CGN: variants seen among roughly 807,000 people sequenced by gnomAD.
CGN encodes cingulin.
In CGN, 121 loss-of-function variants were observed where a neutral mutation model predicts 157.1. That is an observed-to-expected ratio of 0.77 (90% CI 0.66 to 0.90). CGN has a LOEUF of 0.90. CGN is among the 40% of genes least tolerant of loss of function. The pLI, the probability that CGN is intolerant of heterozygous loss-of-function variation, is 0.00. For synonymous variants in CGN, 535 were observed against 607.5 expected (o/e 0.88, Z 1.76); for missense variants, 1,424 against 1,520.9 (o/e 0.94, Z 1.06).
intron 1 of CGN, among the ~76,000 whole-genome samples, chr1:151,516,563 A>T (rs558579707): frequency 2.2e-5 from 3 of 134,892 alleles, no homozygotes; most frequent in African/African-American, 5.6e-5. Flanking sequence ...TTTTTTTGAG[A>T]TAGAGTTTCA....
At chr1:151,536,984 A>C in intron 20 of CGN, 91 bp downstream of exon 20, 1 of 1,405,010 alleles carries the variant, frequency 7.1e-7, no homozygotes, top group East Asian at 2.4e-5. Flanking sequence ...GAGAATCTCT[A>C]ACATGGTACT....
rs1051006298 is a variant in CGN, at chr1:151,511,785, C to T, written c.-15+270C>T. Among the ~76,000 whole-genome samples, 2 of 152,198 alleles carry T rather than the reference C, an allele frequency of 1.3e-5. No homozygotes were observed. Among genetic ancestry groups the T allele is most frequent in the Non-Finnish European group, 1.5e-5 (1 of 68,030 alleles). Reference sequence around the variant, plus strand: ...TTCCCAGCGCATGAAAGCGTTTCAGCGCCAGATGTCTCTGGAGGTCAGACG... The same window carrying T: ...TTCCCAGCGCATGAAAGCGTTTCAGTGCCAGATGTCTCTGGAGGTCAGACG... On this transcript the variant is annotated intron_variant, in intron 1 of 20. Transcript: ENST00000271636. The surrounding 1 kb of genome is among the most constrained non-coding windows in gnomAD (Gnocchi z 4.8).
intron 5 of CGN, among the ~76,000 whole-genome samples, chr1:151,522,262 C>G (rs1664559507): frequency 6.6e-6 from 1 of 151,850 alleles, no homozygotes; most frequent in Non-Finnish European, 1.5e-5. Flanking sequence ...AGAGCAAGAC[C>G]CTGTCTCAAA....
upstream of CGN, chr1:151,511,250 C>T (rs1664277128): frequency 6.6e-6 from 1 of 152,348 alleles, no homozygotes; most frequent in Non-Finnish European, 1.5e-5. This position sits in a 1 kb window ranked among gnomAD's most constrained non-coding sequence, Gnocchi z 4.8. Flanking sequence ...GACCCCGGGT[C>T]CCGGTCCCCG....
rs200463676 is a variant in CGN at position 151,519,134 on chromosome 1, C to T, written c.615C>T (p.Pro205=). The change falls in exon 2 of 21, where the codon CCC becomes CCT. Residue 205 remains proline, a synonymous_variant. Transcript: ENST00000271636. ...GRTGRRTRML[P]PEQRKRSKSL... ...CTGGCCGCCGAACACGGATGCTACCCCCTGAACAGCGCAAACGGAGCAAGA... is the reference window on the plus strand; with the variant it reads ...CTGGCCGCCGAACACGGATGCTACCTCCTGAACAGCGCAAACGGAGCAAGA... 1.2e-6 allele frequency: 2 copies of T among 1,614,104 alleles called. No individual in the cohort carries two copies. Among genetic ancestry groups the T allele is most frequent in the Non-Finnish European group, 1.7e-6 (2 of 1,180,052 alleles).
chr1:151,512,201 A>G (rs1027176051), intron 1 of CGN, among the ~76,000 whole-genome samples: 1 of 152,064 alleles, frequency 6.6e-6, no homozygotes, highest in Non-Finnish European at 1.5e-5. Context: ...AGAGAGAGAG[A>G]GAGTACTCCC....
intron 10 of CGN, among the ~76,000 whole-genome samples, chr1:151,528,230 G>A (rs542182831): frequency 3.3e-4 from 50 of 151,766 alleles, no homozygotes; most frequent in Non-Finnish European, 5.7e-4. Context: ...CTTGTGATCC[G>A]CCCTCCTTGG....
At position 151,535,879 on chromosome 1, in the gene CGN, C is replaced by CGGCT; in HGVS notation, c.3179_3182dup (p.Gln1062AlafsTer4). 1 of 1,613,164 alleles carries CGGCT rather than the reference C, an allele frequency of 6.2e-7. No homozygotes were observed. Among genetic ancestry groups the CGGCT allele is most frequent in the Non-Finnish European group, 8.5e-7 (1 of 1,179,512 alleles). The stretch of plus-strand genomic sequence containing the variant: ...GTCCCAGAATCAGTTGTTGCAGGAG[C>CGGCT]GGCTACAGGCTGAAGAGAGGTGACA... On this transcript the variant is annotated frameshift_variant, in exon 18 of 21. Coordinates refer to ENST00000271636, the MANE Select transcript of CGN (RefSeq NM_020770.3). LOFTEE classifies it high-confidence loss of function.
chr1:151,532,250 A>G (rs1367935650), intron 13 of CGN, 152 bp from the exon 14 acceptor site: 7 of 477,452 alleles, frequency 1.5e-5, no homozygotes, highest in African/African-American at 6.0e-5. Flanking sequence ...ATCTGTATAT[A>G]ACTATTAGCT....
At chr1:151,534,797 T>TG (rs1664919133) in intron 15 of CGN, 5 of 488,396 alleles carry the variant, frequency 1.0e-5, no homozygotes, top group African/African-American at 1.9e-5. Flanking sequence ...GAGTAGATTC[T>TG]GGGGTTTGCC....
rs1664634275 is a variant in CGN at position 151,524,804 on chromosome 1, G to A, written c.1532G>A (p.Arg511His). Residue 511 changes from arginine (R) to histidine (H), a missense_variant, in exon 8 of 21, where the codon CGT (arginine) becomes CAT (histidine). Physicochemically the swap from Arg to His is conservative, Grantham distance 29 (BLOSUM62 0). This residue lies in a region of CGN where 1,187 missense variants were observed against 1,217.6 expected (regional missense o/e 0.97). Transcript: ENST00000271636. The surrounding 1 kb of genome is among the most constrained non-coding windows in gnomAD (Gnocchi z 4.4). The stretch of plus-strand genomic sequence containing the variant: ...GCCCTGAAAGAGGAGGTAGCCTCCC[G>A]TGACCAGGAGGTGGAACATGTCCGG... ...KGALKEEVASRDQEVEHVRQQ... is the reference protein window; with the variant it reads ...KGALKEEVASHDQEVEHVRQQ... 10 of 1,612,738 alleles carry A rather than the reference G, an allele frequency of 6.2e-6. No homozygotes were observed. Among genetic ancestry groups the A allele is most frequent in the Non-Finnish European group, 5.9e-6 (7 of 1,179,964 alleles).
At chr1:151,520,380 C>G (rs1664514414) in intron 3 of CGN, 34 bp from the exon 4 acceptor site, 1 of 1,596,108 alleles carries the variant, frequency 6.3e-7, no homozygotes, top group Non-Finnish European at 8.6e-7. Context: ...CTCTTTCCTC[C>G]CCTAACCCTT....
chr1:151,515,193 G>A (rs2102485956), intron 1 of CGN, among the ~76,000 whole-genome samples: 1 of 151,992 alleles, frequency 6.6e-6, no homozygotes, highest in South Asian at 2.1e-4. Context: ...AGTAGACGTG[G>A]GGTTTCACCA....
chr1:151,530,731 C>T lies in CGN; in HGVS notation c.2556C>T (p.Asp852=). Residue 852 remains aspartate (D), a synonymous_variant, in exon 13 of 21, where the codon GAC becomes GAT. Transcript: ENST00000271636. ...AGCGTTTGCTGGACAGGACTGTGGA[C>T]CGACTGAACAAGGAGGTGGGGCATG... ...EQKRLLDRTV[D]RLNKELEKIG... is the part of the protein sequence containing the mutation. The T allele has an allele frequency of 6.4e-7, 1 of 1,552,272 alleles. No individual in the cohort carries two copies. The highest frequency in any genetic ancestry group is 1.7e-4 in the Middle Eastern group (1 of 5,994).
intron 18 of CGN, 166 bp downstream of exon 18, chr1:151,536,064 A>G (rs1332416139): frequency 9.9e-6 from 7 of 705,028 alleles, no homozygotes; most frequent in Non-Finnish European, 1.8e-5. Flanking sequence ...TGTTGCAGAA[A>G]TTCTGAAATG....
At chr1:151,526,914 C>T (rs1246963094) in intron 9 of CGN, 61 bp from the exon 10 acceptor site, 1 of 1,606,176 alleles carries the variant, frequency 6.2e-7, no homozygotes, top group Non-Finnish European at 8.5e-7. Flanking sequence ...ATGCTAACCT[C>T]CCCCAGGCAT....
chr1:151,512,753 A>C (rs999720459), intron 1 of CGN, among the ~76,000 whole-genome samples: 1 of 152,186 alleles, frequency 6.6e-6, no homozygotes. Flanking sequence ...ACACATGCCT[A>C]TGCATCTCTT....
chr1:151,521,493 T>C (rs1220945289), intron 5 of CGN, among the ~76,000 whole-genome samples: 2 of 152,192 alleles, frequency 1.3e-5, no homozygotes, highest in East Asian at 3.8e-4. Context: ...ATTATGATAG[T>C]ACTATATTAA....
rs766782113 is a variant in CGN at position 151,535,657 on chromosome 1, T to A, written c.3052T>A (p.Cys1018Ser). 1.3e-5 allele frequency: 21 copies of A among 1,613,524 alleles called. No individual in the cohort carries two copies. Among genetic ancestry groups the A allele is most frequent in the Middle Eastern group, 1.6e-4 (1 of 6,078 alleles). ...QERSARQDLE[C>S]DKISLERQNK... ...AAGGTCTGCTCGGCAGGACCTGGAG[T>A]GTGACAAAATCTCCTTGGAGAGACA... The change falls in exon 17 of 21, where the codon TGT becomes AGT. Residue 1018 changes from cysteine (C) to serine (S), a missense_variant. Transcript: ENST00000271636.
Sources: allele counts gnomAD v4.1 joint callset (sites outside exome capture counted in the v4.1 genomes callset), GRCh38; gene constraint gnomAD v4.1.1; regional missense constraint gnomAD v4.1.1; non-coding constraint Gnocchi (gnomAD v3.1); transcripts MANE v1.5; gene names NCBI Gene and HGNC (gene_info 2026-07-23, HGNC 2026-07-21).